The following CTNND2 variants were observed in gnomAD, a reference collection of about 807,000 sequenced individuals.
The protein encoded by CTNND2 is catenin delta 2, also known as catenin delta-2.
Under a neutral mutation model 144.4 loss-of-function variants are expected in CTNND2, and 22 were observed. The observed-to-expected ratio is 0.15, with a 90% CI of 0.11 to 0.22. The LOEUF is 0.22. Among genes scored for constraint, CTNND2 ranks in the 10% least tolerant of loss-of-function variants. CTNND2 has a pLI of 1.00. For missense variants in CTNND2, 1,353 were observed against 1,618.8 expected (o/e 0.84, Z 2.82); for synonymous variants, 751 against 695.6 (o/e 1.08, Z -1.25).
intron 2 of CTNND2, among the ~76,000 whole-genome samples, chr5:11,679,401 T>C (rs1003744466): frequency 5.3e-5 from 8 of 152,198 alleles, no homozygotes; most frequent in African/African-American, 1.9e-4. Context: ...CTATCAGAAT[T>C]AAAATGCTGT....
chr5:11,147,927 C>T (rs748454218), intron 12 of CTNND2, among the ~76,000 whole-genome samples: 8 of 152,172 alleles, frequency 5.3e-5, no homozygotes, highest in Non-Finnish European at 7.3e-5. Flanking sequence ...CTCACATGTC[C>T]ATCAATGGAT....
intron 7 of CTNND2, among the ~76,000 whole-genome samples, chr5:11,383,910 C>T (rs553005849): frequency 4.4e-4 from 67 of 152,276 alleles, no homozygotes; most frequent in African/African-American, 6.7e-4. Flanking sequence ...TGGTCGCTGA[C>T]GGGCATAACG....
intron 18 of CTNND2, among the ~76,000 whole-genome samples, chr5:11,007,857 A>G (rs528509766): frequency 6.4e-4 from 98 of 152,348 alleles, no homozygotes; most frequent in African/African-American, 2.3e-3. Flanking sequence ...GCCTTTCTTC[A>G]CTTTCGCACC....
intron 12 of CTNND2, among the ~76,000 whole-genome samples, chr5:11,136,874 C>T (rs149558732): frequency 1.4e-4 from 21 of 152,378 alleles, no homozygotes; most frequent in African/African-American, 4.6e-4. Context: ...TCCTACTCAT[C>T]ATTCAAGTCT....
chr5:11,857,675 T>A (rs1795315437), intron 1 of CTNND2, among the ~76,000 whole-genome samples: 1 of 152,160 alleles, frequency 6.6e-6, no homozygotes. Flanking sequence ...GTTAGTGTCA[T>A]ATTTAATAAA....
intron 2 of CTNND2, among the ~76,000 whole-genome samples, chr5:11,668,628 T>C (rs1179852801): frequency 1.3e-5 from 2 of 152,212 alleles, no homozygotes; most frequent in Admixed American, 6.5e-5. Flanking sequence ...TCCTGAGACT[T>C]TGCTAAAGTT....
intron 1 of CTNND2, among the ~76,000 whole-genome samples, chr5:11,874,379 AC>A (rs1223096288): frequency 6.6e-6 from 1 of 152,170 alleles, no homozygotes; most frequent in Non-Finnish European, 1.5e-5. Context: ...ACACACACAT[AC>A]CTATGATAAA....
At chr5:11,146,586 C>T (rs10059890) in intron 12 of CTNND2, among the ~76,000 whole-genome samples, 81,779 of 152,008 alleles carry the variant, frequency 0.54, 22,245 homozygotes, top group Admixed American at 0.59. Context: ...AAAGAGTTAT[C>T]TTGTCCACAA....
intron 3 of CTNND2, among the ~76,000 whole-genome samples, chr5:11,464,487 G>A (rs890892390): frequency 2.0e-5 from 3 of 152,094 alleles, no homozygotes; most frequent in Admixed American, 6.6e-5. Context: ...GACTTAGTGG[G>A]GGCAACAGGG....
chr5:11,230,619 C>T (rs184452052), intron 10 of CTNND2, among the ~76,000 whole-genome samples: 7 of 152,256 alleles, frequency 4.6e-5, no homozygotes, highest in African/African-American at 9.6e-5. Context: ...GATATTCATT[C>T]ACCCATGAAT....
intron 15 of CTNND2, among the ~76,000 whole-genome samples, chr5:11,090,369 G>A (rs1441620707): frequency 6.6e-6 from 1 of 152,238 alleles, no homozygotes; most frequent in African/African-American, 2.4e-5. Context: ...TGGTGGACTA[G>A]GACTTCCCAT....
At chr5:11,001,629 G>T (rs1739976033) in intron 18 of CTNND2, among the ~76,000 whole-genome samples, 1 of 152,158 alleles carries the variant, frequency 6.6e-6, no homozygotes. Context: ...AATACATTCA[G>T]AGCCTTAGAA....
chr5:11,758,460 G>A (rs1255527246), intron 1 of CTNND2, among the ~76,000 whole-genome samples: 1 of 151,924 alleles, frequency 6.6e-6, no homozygotes, highest in Admixed American at 6.6e-5. Flanking sequence ...CCTGTCTAAT[G>A]GAAACTTTGC....
chr5:11,400,242 A>G (rs2149820769), intron 5 of CTNND2, among the ~76,000 whole-genome samples: 1 of 152,288 alleles, frequency 6.6e-6, no homozygotes, highest in Admixed American at 6.5e-5. Flanking sequence ...TATGGAAAGA[A>G]ATGGTAGACG....
chr5:11,766,206 C>T (rs1290765228), intron 1 of CTNND2, among the ~76,000 whole-genome samples: 2 of 152,206 alleles, frequency 1.3e-5, no homozygotes, highest in Non-Finnish European at 2.9e-5. Flanking sequence ...AGGGAATGTG[C>T]ACCCCATAGG....
chr5:11,647,733 C>T (rs1304068479), intron 2 of CTNND2, among the ~76,000 whole-genome samples: 1 of 152,158 alleles, frequency 6.6e-6, no homozygotes, highest in Non-Finnish European at 1.5e-5. Flanking sequence ...CCTGTGCTAA[C>T]TCTACACTCT....
At chr5:11,349,993 C>T (rs1049206804) in intron 8 of CTNND2, among the ~76,000 whole-genome samples, 3 of 152,092 alleles carry the variant, frequency 2.0e-5, no homozygotes, top group Non-Finnish European at 2.9e-5. Flanking sequence ...AAACATTAGT[C>T]GGGCGTGGTG....
intron 16 of CTNND2, among the ~76,000 whole-genome samples, chr5:11,045,079 A>G (rs1174733229): frequency 6.6e-6 from 1 of 152,248 alleles, no homozygotes; most frequent in East Asian, 1.9e-4. Flanking sequence ...AGACAGGGCC[A>G]TGCTCCCGCC....
At chr5:11,373,011 A>C (rs1012981708) in intron 7 of CTNND2, among the ~76,000 whole-genome samples, 1 of 152,234 alleles carries the variant, frequency 6.6e-6, no homozygotes, top group East Asian at 1.9e-4. Context: ...CAATAAAGGC[A>C]CAGTTCAAGA....
Sources: gnomAD v4.1 joint callset for allele counts (sites outside exome capture counted in the v4.1 genomes callset) on GRCh38, gnomAD v4.1.1 for gene constraint, MANE v1.5 for transcripts, NCBI Gene and HGNC (gene_info 2026-07-23, HGNC 2026-07-21) for gene names.